The following KLHL13 variants were observed in gnomAD, a reference collection of about 807,000 sequenced individuals.
KLHL13 encodes the protein kelch like family member 13.
A neutral mutation model predicts 37.1 loss-of-function variants in KLHL13; 10 were observed. That is an observed-to-expected ratio of 0.27 (90% confidence interval 0.17 to 0.46). The LOEUF is 0.46. Among genes scored for constraint, KLHL13 ranks in the 20% least tolerant of loss-of-function variants. KLHL13 has a pLI of 1.00. For synonymous variants in KLHL13, 163 were observed against 181.2 expected (o/e 0.90, Z 0.81); for missense variants, 360 against 509.3 (o/e 0.71, Z 2.82).
intron 1 of KLHL13, among the ~76,000 whole-genome samples, chrX:118,021,444 G>C (rs1237306301): frequency 2.8e-5 from 3 of 107,804 alleles, no homozygotes; most frequent in Non-Finnish European, 5.7e-5. Context: ...CTGTGTCCAA[G>C]TGTTCTCATT....
At chrX:118,030,064 G>A (rs939089247) in intron 1 of KLHL13, among the ~76,000 whole-genome samples, 1 of 110,838 alleles carries the variant, frequency 9.0e-6, no homozygotes, top group African/African-American at 3.3e-5. Context: ...CTTCATTGTC[G>A]TCAGCCCTCT....
In KLHL13 at chrX:118,089,623, A is replaced by AAAGAAAGAAAGAAAG. The variant is rs1556002577; in HGVS notation, c.-56+26870_-56+26884dup. Among the ~76,000 whole-genome samples the AAAGAAAGAAAGAAAG allele has an allele frequency of 6.3e-3, 418 of 66,240 alleles. 6 individuals are homozygous for AAAGAAAGAAAGAAAG. The highest frequency in any genetic ancestry group is 0.02 in the African/African-American group (401 of 20,447). The allele number at this position is 66,240 out of a possible 115,157, so 57.5% of individuals were successfully genotyped here. A position where few individuals can be genotyped will look rare whatever the true frequency, so the allele number is the denominator to read the frequency against. On this transcript the variant is annotated intron_variant, in intron 1 of 6. Transcript: ENST00000371882. ...GAGAGAGAGAGAGAGAAAGAAAGAG[A>AAAGAAAGAAAGAAAG]AAGAAAGAAAGAAAGAAAGAAAGAA...
upstream of KLHL13, among the ~76,000 whole-genome samples, chrX:117,977,254 C>G (rs924366969): frequency 5.4e-5 from 6 of 111,993 alleles, no homozygotes; most frequent in Non-Finnish European, 1.1e-4. Flanking sequence ...CATGAAGAAC[C>G]ATTTCCAAAA....
At chrX:118,006,452 C>T (rs1288213174) in intron 1 of KLHL13, among the ~76,000 whole-genome samples, 1 of 111,068 alleles carries the variant, frequency 9.0e-6, no homozygotes, top group African/African-American at 3.3e-5. Flanking sequence ...GACAAATGAT[C>T]TCACCTTTGA....
intron 1 of KLHL13, among the ~76,000 whole-genome samples, chrX:118,032,966 C>T (rs1038669715): frequency 1.8e-5 from 2 of 111,062 alleles, no homozygotes; most frequent in East Asian, 5.6e-4. Context: ...GGAGCCGATG[C>T]GATCAAATGG....
chrX:118,020,186 T>G (rs1484548345), intron 1 of KLHL13, among the ~76,000 whole-genome samples: 1 of 108,413 alleles, frequency 9.2e-6, no homozygotes, highest in African/African-American at 3.4e-5. Flanking sequence ...TGGTTTGTAG[T>G]TCTCCTTGAA....
At chrX:117,987,767 T>C (rs1199275605) in intron 1 of KLHL13, among the ~76,000 whole-genome samples, 3 of 112,294 alleles carry the variant, frequency 2.7e-5, no homozygotes, top group East Asian at 2.8e-4. Flanking sequence ...AAAAATATTC[T>C]CTCAATGACT....
chrX:117,937,200 G>A (rs895700528), intron 2 of KLHL13, among the ~76,000 whole-genome samples: 6 of 112,007 alleles, frequency 5.4e-5, no homozygotes, highest in African/African-American at 1.9e-4. Context: ...CCACACCTAA[G>A]ATTGATACAA....
At chrX:118,035,105 T>TTA in intron 1 of KLHL13, among the ~76,000 whole-genome samples, 1 of 103,402 alleles carries the variant, frequency 9.7e-6, no homozygotes, top group East Asian at 2.8e-4. Flanking sequence ...AATCAATGGT[T>TTA]TACCAACCAA....
chrX:118,039,097 G>T (rs1283764275), intron 1 of KLHL13, among the ~76,000 whole-genome samples: 1 of 112,153 alleles, frequency 8.9e-6, no homozygotes, highest in Non-Finnish European at 1.9e-5. Context: ...TCCTAAGCAG[G>T]ATTAATCATC....
In KLHL13 at chrX:118,032,720, A is replaced by G. The variant is rs78844712; in HGVS notation, c.-56+83788T>C. 7.0e-3 allele frequency among the ~76,000 whole-genome samples: 790 copies of G among 112,460 alleles called. 11 individuals carry two copies. Among genetic ancestry groups the G allele is most frequent in the African/African-American group, 0.024 (749 of 30,941 alleles). On this transcript the variant is annotated intron_variant, in intron 1 of 6. Transcript: ENST00000371882. Reference sequence around the variant, plus strand: ...CAAAGGAACGCAGTTCCTCACCAGCAACGGAACAAAGCTGGACGGAGAATG... The same window carrying G: ...CAAAGGAACGCAGTTCCTCACCAGCGACGGAACAAAGCTGGACGGAGAATG...
At chrX:118,098,310 G>C (rs192180599) in intron 1 of KLHL13, among the ~76,000 whole-genome samples, 1 of 111,654 alleles carries the variant, frequency 9.0e-6, no homozygotes, top group East Asian at 2.8e-4. Context: ...TGCAGCCAAA[G>C]GACACATGAA....
intron 1 of KLHL13, among the ~76,000 whole-genome samples, chrX:118,113,892 CAA>C (rs1303945666): frequency 8.9e-6 from 1 of 112,250 alleles, no homozygotes; most frequent in Admixed American, 9.5e-5. Context: ...CCTTGGCACA[CAA>C]GTACCCAGTA....
intron 1 of KLHL13, among the ~76,000 whole-genome samples, chrX:118,090,029 C>T (rs1177754374): frequency 2.9e-5 from 3 of 103,767 alleles, no homozygotes; most frequent in Non-Finnish European, 5.9e-5. Context: ...TGCAGTGAGC[C>T]GAGATCATGC....
intron 2 of KLHL13, among the ~76,000 whole-genome samples, chrX:117,923,274 AATGG>A (rs1931823461): frequency 8.9e-6 from 1 of 112,008 alleles, no homozygotes; most frequent in Non-Finnish European, 1.9e-5. Flanking sequence ...TTGAATAGCT[AATGG>A]CAAGTTAAAG....
In KLHL13 at chrX:117,972,440, A is replaced by G. The variant is rs575186713; in HGVS notation, c.98+291T>C. Among the ~76,000 whole-genome samples the G allele has an allele frequency of 7.1e-5, 8 of 112,823 alleles. No homozygotes were observed. The South Asian group carries it at 2.6e-3, about 36-fold the overall frequency. On this transcript the variant is annotated intron_variant, in intron 1 of 6. Transcript: ENST00000262820. ...ATATTCAAAAATTCAAACAAATCCA[A>G]CATATGTTAAATATTAAAGTTAATT...
At chrX:117,906,967 AG>A (rs1311110732) in intron 5 of KLHL13, among the ~76,000 whole-genome samples, 2 of 111,595 alleles carry the variant, frequency 1.8e-5, no homozygotes, top group Non-Finnish European at 3.8e-5. Context: ...TTACCATTAG[AG>A]GGGAAATTTT....
chrX:117,936,278 A>G (rs1932759628), intron 2 of KLHL13, among the ~76,000 whole-genome samples: 1 of 111,650 alleles, frequency 9.0e-6, no homozygotes, highest in Non-Finnish European at 1.9e-5. Flanking sequence ...CTGCCAACTC[A>G]GTCATGGATT....
Position 118,087,413 on chromosome X carries a change from A to G in KLHL13, c.-56+29095T>C, listed in dbSNP as rs1602712383. Among the ~76,000 whole-genome samples the G allele has an allele frequency of 5.5e-5, 6 of 109,831 alleles. No homozygotes were observed. The South Asian group carries it at 2.3e-3, about 43-fold the overall frequency. On this transcript the variant is annotated intron_variant, in intron 1 of 6. Transcript: ENST00000371882. Reference sequence around the variant, plus strand: ...AATATATATATATATACACATATATATATCTTCTGTGAGTACATTTATTCA... The same window carrying G: ...AATATATATATATATACACATATATGTATCTTCTGTGAGTACATTTATTCA...
Sources: allele counts gnomAD v4.1 joint callset (sites outside exome capture counted in the v4.1 genomes callset), GRCh38; gene constraint gnomAD v4.1.1; transcripts MANE v1.5; gene names NCBI Gene and HGNC (gene_info 2026-07-23, HGNC 2026-07-21).